NAALADL2: variants seen among roughly 807,000 people sequenced by gnomAD.
NAALADL2 encodes the protein inactive N-acetylated-alpha-linked acidic dipeptidase-like protein 2.
NAALADL2 carries 76 observed loss-of-function variants against 87.2 expected under a neutral mutation model. The ratio of observed to expected loss-of-function variants is 0.87; its 90% CI spans 0.72 to 1.05. The LOEUF is 1.05. NAALADL2 is among the 50% of genes least tolerant of loss of function. The pLI, the probability that NAALADL2 is intolerant of heterozygous loss-of-function variation, is 0.00. For missense variants in NAALADL2, 1,089 were observed against 945.8 expected, an observed-to-expected ratio of 1.15 and a Z score of -1.99; for synonymous variants, 354 against 331.0, an observed-to-expected ratio of 1.07 and a Z score of -0.75.
At chr3:174,557,994 G>C (rs1713067418) in intron 2 of NAALADL2, among the ~76,000 whole-genome samples, 2 of 152,220 alleles carry the variant, frequency 1.3e-5, no homozygotes, top group Middle Eastern at 6.8e-3. Context: ...TTTTACTGGG[G>C]AGTGGTCAGG....
intron 2 of NAALADL2, among the ~76,000 whole-genome samples, chr3:175,206,917 A>G (rs1468522503): frequency 2.0e-5 from 3 of 152,082 alleles, no homozygotes; most frequent in Non-Finnish European, 4.4e-5. Context: ...TGAACTCATG[A>G]TTATTGAGAG....
At chr3:174,931,587 C>A (rs1736894330) in intron 1 of NAALADL2, among the ~76,000 whole-genome samples, 1 of 152,070 alleles carries the variant, frequency 6.6e-6, no homozygotes. Context: ...TCTCAGAATT[C>A]AGAAGGAAGA....
chr3:175,590,342 T>G (rs961657928), intron 10 of NAALADL2, among the ~76,000 whole-genome samples: 6 of 151,120 alleles, frequency 4.0e-5, no homozygotes, highest in Non-Finnish European at 7.4e-5. Context: ...TGTTGAATTT[T>G]TTTTTTTTTT....
intron 9 of NAALADL2, among the ~76,000 whole-genome samples, chr3:175,483,001 C>A (rs1323051781): frequency 6.6e-6 from 1 of 151,884 alleles, no homozygotes; most frequent in Non-Finnish European, 1.5e-5. Context: ...ATAAACATAC[C>A]TGTTCCTTAA....
At chr3:174,480,010 C>A (rs987621305) in intron 1 of NAALADL2, among the ~76,000 whole-genome samples, 1 of 151,944 alleles carries the variant, frequency 6.6e-6, no homozygotes, top group Non-Finnish European at 1.5e-5. Context: ...GAAATTCACT[C>A]ACTAATTAAT....
intron 11 of NAALADL2, among the ~76,000 whole-genome samples, chr3:175,727,180 G>A (rs1276656418): frequency 2.6e-5 from 4 of 152,074 alleles, no homozygotes; most frequent in African/African-American, 9.7e-5. Context: ...GGGAAGGCAT[G>A]CTCCAGGCTG....
intron 2 of NAALADL2, among the ~76,000 whole-genome samples, chr3:175,137,290 T>C (rs1038283716): frequency 6.6e-6 from 1 of 152,160 alleles, no homozygotes. Flanking sequence ...TTTTTTTAAA[T>C]GTTTCACCCA....
intron 4 of NAALADL2, among the ~76,000 whole-genome samples, chr3:175,268,984 G>A (rs1387697762): frequency 1.3e-5 from 2 of 151,012 alleles, no homozygotes; most frequent in Admixed American, 6.6e-5. Flanking sequence ...TGTCACCCAG[G>A]CTGAAATGCA....
intron 5 of NAALADL2, among the ~76,000 whole-genome samples, chr3:175,347,096 A>G (rs1678866861): frequency 6.6e-6 from 1 of 152,132 alleles, no homozygotes. Context: ...CTGCTATTAC[A>G]TTGGGCTGCC....
intron 1 of NAALADL2, among the ~76,000 whole-genome samples, chr3:175,076,870 G>A (rs1329877054): frequency 6.6e-6 from 1 of 152,154 alleles, no homozygotes; most frequent in East Asian, 1.9e-4. Context: ...TTCAAATATA[G>A]TTCTATAGCA....
At chr3:175,099,718 A>G (rs1721791125) in intron 2 of NAALADL2, among the ~76,000 whole-genome samples, 1 of 152,070 alleles carries the variant, frequency 6.6e-6, no homozygotes, top group Admixed American at 6.6e-5. Flanking sequence ...CTTTTCCTGG[A>G]CATGCTCTAA....
At chr3:174,548,536 T>G (rs1228239352) in intron 1 of NAALADL2, among the ~76,000 whole-genome samples, 1 of 152,154 alleles carries the variant, frequency 6.6e-6, no homozygotes, top group African/African-American at 2.4e-5. Context: ...GCATATGGTC[T>G]TTAAAAACAG....
chr3:175,489,043 G>C (rs1727694755), intron 9 of NAALADL2, among the ~76,000 whole-genome samples: 1 of 152,104 alleles, frequency 6.6e-6, no homozygotes, highest in African/African-American at 2.4e-5. Context: ...AATAAAAACT[G>C]CTATTGAGGA....
intron 5 of NAALADL2, among the ~76,000 whole-genome samples, chr3:175,370,450 T>C (rs1702189850): frequency 6.6e-6 from 1 of 152,074 alleles, no homozygotes; most frequent in Admixed American, 6.5e-5. Flanking sequence ...TCTAATCTTA[T>C]TCTGTAATGG....
At chr3:174,761,597 T>C (rs892583076) in intron 3 of NAALADL2, among the ~76,000 whole-genome samples, 1 of 152,292 alleles carries the variant, frequency 6.6e-6, no homozygotes, top group South Asian at 2.1e-4. Context: ...CAAAAGTTTT[T>C]GCAATTACTT....
chr3:175,407,342 G>A (rs1167887228), intron 5 of NAALADL2, among the ~76,000 whole-genome samples: 4 of 152,090 alleles, frequency 2.6e-5, no homozygotes, highest in African/African-American at 7.2e-5. Context: ...TTCTTAGCAC[G>A]TATCAGACAT....
At chr3:174,711,689 T>G (rs1447303667) in intron 2 of NAALADL2, among the ~76,000 whole-genome samples, 1 of 152,194 alleles carries the variant, frequency 6.6e-6, no homozygotes, top group Non-Finnish European at 1.5e-5. Flanking sequence ...ACTATGTGTT[T>G]GTTTGTTGGT....
chr3:175,182,041 C>T (rs1027387473), intron 2 of NAALADL2, among the ~76,000 whole-genome samples: 5 of 151,836 alleles, frequency 3.3e-5, no homozygotes, highest in Non-Finnish European at 7.4e-5. Context: ...TTCCTTTTCT[C>T]CACATCCTCA....
intron 1 of NAALADL2, among the ~76,000 whole-genome samples, chr3:174,993,586 C>A (rs1747029221): frequency 6.6e-6 from 1 of 151,974 alleles, no homozygotes; most frequent in Non-Finnish European, 1.5e-5. Context: ...GCTCAAGTGG[C>A]CTATGTGGAG....
Sources: gnomAD v4.1 joint callset for allele counts (sites outside exome capture counted in the v4.1 genomes callset) on GRCh38, gnomAD v4.1.1 for gene constraint, MANE v1.5 for transcripts, NCBI Gene and HGNC (gene_info 2026-07-23, HGNC 2026-07-21) for gene names.